SKAP2: variants seen among roughly 807,000 people sequenced by gnomAD.
SKAP2 encodes src kinase associated phosphoprotein 2, also known as src kinase-associated phosphoprotein 2.
A neutral mutation model predicts 54.9 loss-of-function variants in SKAP2; 28 were observed. That is an observed-to-expected ratio of 0.51 (90% CI 0.38 to 0.70). SKAP2 has a LOEUF of 0.70. Ranked by LOEUF, SKAP2 falls within the 30% of genes least tolerant of loss-of-function variation. The pLI is 0.00. For synonymous variants in SKAP2, 137 were observed against 134.3 expected (o/e 1.02, Z -0.14); for missense variants, 356 against 424.1 (o/e 0.84, Z 1.41).
chr7:26,695,798 C>T (rs970001304), intron 9 of SKAP2, among the ~76,000 whole-genome samples: 14 of 152,300 alleles, frequency 9.2e-5, no homozygotes, highest in African/African-American at 3.4e-4. Flanking sequence ...CCTTCCTCAC[C>T]TCTAGCTTTT....
intron 1 of SKAP2, among the ~76,000 whole-genome samples, chr7:26,862,114 T>A (rs1176174524): frequency 6.6e-6 from 1 of 151,994 alleles, no homozygotes; most frequent in Non-Finnish European, 1.5e-5. Flanking sequence ...TATAAATACT[T>A]CTATAATGTT....
At chr7:26,662,186 T>TAA (rs1172237771), downstream of SKAP2, among the ~76,000 whole-genome samples, 1 of 152,124 alleles carries the variant, frequency 6.6e-6, no homozygotes, top group Non-Finnish European at 1.5e-5. Flanking sequence ...AGCAACTCTG[T>TAA]AAAAGACGTT....
At chr7:26,681,602 A>C (rs1263384244) in intron 11 of SKAP2, among the ~76,000 whole-genome samples, 1 of 152,212 alleles carries the variant, frequency 6.6e-6, no homozygotes, top group Non-Finnish European at 1.5e-5. Flanking sequence ...TTCAGAACTG[A>C]CACACTTTTA....
At chr7:26,734,051 T>C (rs1229418333) in intron 6 of SKAP2, among the ~76,000 whole-genome samples, 1 of 152,176 alleles carries the variant, frequency 6.6e-6, no homozygotes, top group African/African-American at 2.4e-5. Flanking sequence ...TCCTAAATGG[T>C]CCACCACTTA....
rs531471178 is a variant in SKAP2, at chr7:26,827,658, C to T, written c.307+16372G>A. ...CAATGGTTCAATCTGTGGTAAAGAA[C>T]CAGTTTTTCCCAAGACATCACAAAC... On this transcript the variant is annotated intron_variant, in intron 4 of 12. Transcript: ENST00000345317. Among the ~76,000 whole-genome samples, 5 of 152,196 alleles carry T rather than the reference C, an allele frequency of 3.3e-5. No individual in the cohort carries two copies. In the South Asian group the frequency reaches 8.3e-4, roughly 25 times the overall value.
At chr7:26,719,918 C>T (rs995268622) in intron 9 of SKAP2, among the ~76,000 whole-genome samples, 14 of 152,202 alleles carry the variant, frequency 9.2e-5, no homozygotes, top group Non-Finnish European at 2.1e-4. Flanking sequence ...TTGTCTATTA[C>T]ATCCCTGTGG....
intron 4 of SKAP2, among the ~76,000 whole-genome samples, chr7:26,757,616 C>T (rs2127969307): frequency 6.6e-6 from 1 of 152,264 alleles, no homozygotes; most frequent in Non-Finnish European, 1.5e-5. Flanking sequence ...GTGATGCCTC[C>T]AGCTTTGTTC....
At chr7:26,737,912 G>C (rs921679206) in intron 6 of SKAP2, among the ~76,000 whole-genome samples, 1 of 152,140 alleles carries the variant, frequency 6.6e-6, no homozygotes, top group Admixed American at 6.5e-5. Flanking sequence ...TGACAATAGT[G>C]GTTGAGAACA....
rs1485634790 is a variant in SKAP2, at chr7:26,739,298, G to T, written c.386-420C>A. Reference sequence around the variant, plus strand: ...AGCAAAATGAAATATAAATAGAAAGGCCTAAAGGGACTACAAGAGAGATAA... The same window carrying T: ...AGCAAAATGAAATATAAATAGAAAGTCCTAAAGGGACTACAAGAGAGATAA... On this transcript the variant is annotated intron_variant, in intron 5 of 12. Coordinates refer to ENST00000345317, the MANE Select transcript of SKAP2 (RefSeq NM_003930.5). Among the ~76,000 whole-genome samples, 4 of 152,188 alleles carry T rather than the reference G, an allele frequency of 2.6e-5. No homozygotes were observed. The East Asian group carries it at 7.7e-4, about 29-fold the overall frequency.
At chr7:26,864,055 TCACACACACACACACA>T (rs35995014) in intron 1 of SKAP2, among the ~76,000 whole-genome samples, 1 of 143,332 alleles carries the variant, frequency 7.0e-6, no homozygotes, top group South Asian at 2.3e-4. Context: ...CGCCCTTCTG[TCACACACACACACACA>T]CACACACACA....
At chr7:26,727,911 T>C (rs1787741607) in intron 6 of SKAP2, among the ~76,000 whole-genome samples, 1 of 152,148 alleles carries the variant, frequency 6.6e-6, no homozygotes, top group Non-Finnish European at 1.5e-5. Flanking sequence ...ACAAACTCTT[T>C]TACTGAGCTC....
At chr7:26,826,142 C>T (rs1381354894) in intron 4 of SKAP2, among the ~76,000 whole-genome samples, 1 of 151,672 alleles carries the variant, frequency 6.6e-6, no homozygotes. Context: ...CACACACACA[C>T]GCCACAGTGA....
At chr7:26,790,013 T>TA (rs1295572130) in intron 4 of SKAP2, among the ~76,000 whole-genome samples, 1 of 152,184 alleles carries the variant, frequency 6.6e-6, no homozygotes, top group African/African-American at 2.4e-5. Context: ...GAAAGCCCTT[T>TA]ACAAGACTGC....
At chr7:26,852,647 A>G (rs1460698224) in intron 3 of SKAP2, among the ~76,000 whole-genome samples, 1 of 152,218 alleles carries the variant, frequency 6.6e-6, no homozygotes, top group African/African-American at 2.4e-5. Context: ...GTATCTCAGT[A>G]ATGTAATTTT....
At chr7:26,757,551 G>A (rs1306927560) in intron 4 of SKAP2, among the ~76,000 whole-genome samples, 2 of 152,288 alleles carry the variant, frequency 1.3e-5, no homozygotes, top group East Asian at 3.9e-4. Flanking sequence ...TTTGGTACCA[G>A]TACCATGCTG....
At chr7:26,673,295 T>A (rs1165056030) in intron 11 of SKAP2, among the ~76,000 whole-genome samples, 1 of 152,110 alleles carries the variant, frequency 6.6e-6, no homozygotes, top group Non-Finnish European at 1.5e-5. Context: ...CATAGGCAAG[T>A]GACTGTACTT....
At chr7:26,672,257 G>C (rs771172415) in intron 11 of SKAP2, among the ~76,000 whole-genome samples, 1 of 151,988 alleles carries the variant, frequency 6.6e-6, no homozygotes, top group African/African-American at 2.4e-5. Flanking sequence ...ATCAACTAAA[G>C]GCATGTTATC....
intron 4 of SKAP2, among the ~76,000 whole-genome samples, chr7:26,832,211 A>T (rs1784609679): frequency 6.6e-6 from 1 of 152,182 alleles, no homozygotes; most frequent in Non-Finnish European, 1.5e-5. Context: ...ACTATTAGAT[A>T]TGCATACCTT....
chr7:26,761,673 C>A (rs1052561933), intron 4 of SKAP2, among the ~76,000 whole-genome samples: 2 of 152,064 alleles, frequency 1.3e-5, no homozygotes, highest in Admixed American at 1.3e-4. Flanking sequence ...CCGAGGTGGT[C>A]GGACTGCCTG....
Sources: allele counts gnomAD v4.1 joint callset (sites outside exome capture counted in the v4.1 genomes callset), GRCh38; gene constraint gnomAD v4.1.1; transcripts MANE v1.5; gene names NCBI Gene and HGNC (gene_info 2026-07-23, HGNC 2026-07-21).